Variants in PEX5L observed in about 807,000 individuals in gnomAD.
PEX5L encodes the protein PEX5-related protein.
PEX5L carries 30 observed loss-of-function variants against 84.0 expected under a neutral mutation model. The ratio of observed to expected loss-of-function variants is 0.36; its 90% CI spans 0.27 to 0.48. The LOEUF is 0.48. Ranked by LOEUF, PEX5L falls within the 20% of genes least tolerant of loss-of-function variation. The pLI, the probability that PEX5L is intolerant of heterozygous loss-of-function variation, is 0.99. For missense variants in PEX5L, 533 were observed against 754.6 expected, an observed-to-expected ratio of 0.71 and a Z score of 3.44; for synonymous variants, 270 against 283.1, an observed-to-expected ratio of 0.95 and a Z score of 0.46.
intron 2 of PEX5L, among the ~76,000 whole-genome samples, chr3:179,932,408 T>C (rs941037501): frequency 6.6e-6 from 1 of 152,136 alleles, no homozygotes; most frequent in African/African-American, 2.4e-5. Context: ...AGGGATAAGC[T>C]TTAAAATTAG....
In PEX5L at chr3:179,971,400, C is replaced by T. The variant is rs1018674377; in HGVS notation, c.93+194G>A. Among the ~76,000 whole-genome samples, 8 of 152,112 alleles carry T rather than the reference C, an allele frequency of 5.3e-5. No individual in the cohort carries two copies. In the South Asian group the frequency reaches 1.2e-3, roughly 24 times the overall value. ...CCATCATTCTTACATACAAAATATG[C>T]ATGTTGGCATCATGCAAAAGTCAGT... On this transcript the variant is annotated intron_variant, in intron 2 of 14. Transcript: ENST00000467460.
intron 2 of PEX5L, among the ~76,000 whole-genome samples, chr3:179,962,084 C>G (rs1210663931): frequency 1.9e-5 from 1 of 51,490 alleles, no homozygotes; most frequent in Non-Finnish European, 4.4e-5. Flanking sequence ...GAAGATGTCA[C>G]AAAGTTTGTG....
intron 8 of PEX5L, among the ~76,000 whole-genome samples, chr3:179,846,876 C>T (rs1203047426): frequency 6.6e-6 from 1 of 152,080 alleles, no homozygotes; most frequent in Admixed American, 6.5e-5. Context: ...TGGACTCAGA[C>T]TGGAACTACA....
At chr3:179,945,705 A>G (rs1777341655) in intron 2 of PEX5L, among the ~76,000 whole-genome samples, 1 of 152,218 alleles carries the variant, frequency 6.6e-6, no homozygotes, top group Non-Finnish European at 1.5e-5. Context: ...GGAGTGCTAC[A>G]GAGGTTTATT....
At chr3:179,948,016 C>T (rs930746894) in intron 2 of PEX5L, among the ~76,000 whole-genome samples, 4 of 151,972 alleles carry the variant, frequency 2.6e-5, no homozygotes, top group Non-Finnish European at 5.9e-5. Flanking sequence ...AAAAAAGTTA[C>T]TTTTAAAGGA....
intron 2 of PEX5L, among the ~76,000 whole-genome samples, chr3:179,941,804 C>T (rs1003269873): frequency 1.3e-5 from 2 of 152,038 alleles, no homozygotes; most frequent in Admixed American, 6.6e-5. Context: ...GGGCGGATCA[C>T]GAGGTCAGGA....
intron 1 of PEX5L, among the ~76,000 whole-genome samples, chr3:180,017,097 G>A (rs1346848439): frequency 2.0e-5 from 3 of 152,042 alleles, no homozygotes; most frequent in Non-Finnish European, 4.4e-5. Flanking sequence ...GCTGTCTCAT[G>A]ATAAAATAAA....
intron 1 of PEX5L, among the ~76,000 whole-genome samples, chr3:180,035,990 T>C (rs553694108): frequency 1.3e-5 from 2 of 152,070 alleles, no homozygotes; most frequent in Non-Finnish European, 2.9e-5. Context: ...AGGCAGCACC[T>C]CCCCTGAAAA....
chr3:179,944,686 G>GT (rs1194953498), intron 2 of PEX5L, among the ~76,000 whole-genome samples: 4 of 152,126 alleles, frequency 2.6e-5, no homozygotes, highest in African/African-American at 9.7e-5. Flanking sequence ...GGTAAATCTT[G>GT]TAAGATTCCA....
At chr3:179,915,512 G>T (rs1010386679) in intron 2 of PEX5L, among the ~76,000 whole-genome samples, 1 of 152,224 alleles carries the variant, frequency 6.6e-6, no homozygotes, top group Admixed American at 6.5e-5. Context: ...GTGCAGAAAA[G>T]TCACTCAATT....
At position 180,036,770 on chromosome 3, in the gene PEX5L, G is replaced by A; in HGVS notation, c.-171C>T. The A allele has an allele frequency of 2.9e-6, 2 of 693,072 alleles. No individual in the cohort carries two copies. Among genetic ancestry groups the A allele is most frequent in the Non-Finnish European group, 5.2e-6 (2 of 381,498 alleles). The allele number at this position is 693,072 out of a possible 1,614,324, so 42.9% of individuals were successfully genotyped here. On this transcript the variant is annotated 5_prime_UTR_variant, in exon 1 of 15. Transcript: ENST00000467460. ...CGGCCGGCGGCCACTCGGCAGCGCT[G>A]CGGGCTGCCGGGAACTGTTCTCCGC... is the stretch of plus-strand genomic sequence containing the variant.
intron 1 of PEX5L, 52 bp downstream of exon 1, chr3:180,036,527 G>A (rs1220739558): frequency 6.4e-7 from 1 of 1,564,236 alleles, no homozygotes; most frequent in Non-Finnish European, 8.8e-7. Context: ...GAACCGCCTT[G>A]CTCTTAAATT....
At chr3:180,005,407 T>C (rs1228854045) in intron 1 of PEX5L, among the ~76,000 whole-genome samples, 2 of 152,118 alleles carry the variant, frequency 1.3e-5, no homozygotes, top group Non-Finnish European at 2.9e-5. Context: ...ACTACAATCA[T>C]ATGCCAACAC....
intron 1 of PEX5L, among the ~76,000 whole-genome samples, chr3:180,021,119 A>G (rs1193341813): frequency 1.3e-5 from 2 of 152,178 alleles, no homozygotes; most frequent in African/African-American, 4.8e-5. Context: ...GACTCCTTAT[A>G]GGAAGTGATA....
chr3:179,999,560 C>G (rs2110413693), intron 1 of PEX5L, among the ~76,000 whole-genome samples: 2 of 152,316 alleles, frequency 1.3e-5, no homozygotes, highest in Admixed American at 1.3e-4. Context: ...AGCCAGCTAC[C>G]TGGTGGCAGA....
chr3:179,891,829 G>GT (rs1757719765), intron 3 of PEX5L, among the ~76,000 whole-genome samples: 1 of 151,832 alleles, frequency 6.6e-6, no homozygotes, highest in Non-Finnish European at 1.5e-5. Context: ...TATTTCCTTT[G>GT]GTGACTTGAG....
At chr3:179,848,975 G>C (rs954531514) in intron 8 of PEX5L, among the ~76,000 whole-genome samples, 2 of 152,164 alleles carry the variant, frequency 1.3e-5, no homozygotes, top group African/African-American at 4.8e-5. Flanking sequence ...ACACCCTTGG[G>C]GATGGAGGAG....
At chr3:179,939,126 T>G (rs1186746190) in intron 2 of PEX5L, among the ~76,000 whole-genome samples, 1 of 152,222 alleles carries the variant, frequency 6.6e-6, no homozygotes. Context: ...AAAATTACAC[T>G]TCAGTATCCT....
chr3:179,969,719 C>T (rs1343956656), intron 2 of PEX5L, among the ~76,000 whole-genome samples: 1 of 152,056 alleles, frequency 6.6e-6, no homozygotes, highest in African/African-American at 2.4e-5. Flanking sequence ...CATGTTTTGA[C>T]ATGAATAACT....
Sources: gnomAD v4.1 joint callset for allele counts (sites outside exome capture counted in the v4.1 genomes callset) on GRCh38, gnomAD v4.1.1 for gene constraint, MANE v1.5 for transcripts, NCBI Gene and HGNC (gene_info 2026-07-23, HGNC 2026-07-21) for gene names.